Variants in CCDC30 observed in about 807,000 individuals in gnomAD.
The protein encoded by CCDC30 is coiled-coil domain containing 30.
Under a neutral mutation model 100.2 loss-of-function variants are expected in CCDC30, and 70 were observed. The ratio of observed to expected loss-of-function variants is 0.70; its 90% CI spans 0.58 to 0.85. The LOEUF (loss-of-function observed/expected upper bound fraction) is 0.85, where lower values mean the gene tolerates loss of function less well. CCDC30 is among the 40% of genes least tolerant of loss of function. CCDC30 has a pLI of 0.00. For synonymous variants in CCDC30, 233 were observed against 269.5 expected (o/e 0.86, Z 1.33); for missense variants, 652 against 771.2 (o/e 0.85, Z 1.83).
the CCDC30 span, chr1:42,456,554 G>C: frequency 6.9e-7 from 1 of 1,458,408 alleles, no homozygotes; most frequent in Non-Finnish European, 9.0e-7. Flanking sequence ...GGCGCCGGCC[G>C]CTGCGCTGCA....
intron 6 of CCDC30, among the ~76,000 whole-genome samples, chr1:42,528,273 A>G (rs545052370): frequency 1.3e-5 from 2 of 152,320 alleles, no homozygotes; most frequent in Non-Finnish European, 2.9e-5. Context: ...TATTTTTCCA[A>G]AGACTACCTA....
the CCDC30 span, chr1:42,456,556 T>C: frequency 2.7e-6 from 4 of 1,461,606 alleles, no homozygotes; most frequent in African/African-American, 2.9e-5. Context: ...CGCCGGCCGC[T>C]GCGCTGCAGA....
intron 15 of CCDC30, among the ~76,000 whole-genome samples, chr1:42,649,159 A>C (rs1300725907): frequency 6.6e-6 from 1 of 152,216 alleles, no homozygotes; most frequent in Admixed American, 6.5e-5. Context: ...TCTTCAAAAA[A>C]AATAAAGAGG....
At chr1:42,501,679 G>C (rs1423972613) in intron 6 of CCDC30, among the ~76,000 whole-genome samples, 1 of 152,170 alleles carries the variant, frequency 6.6e-6, no homozygotes, top group Non-Finnish European at 1.5e-5. Context: ...TAACAGTCAG[G>C]ACCCTCAGCT....
intron 4 of CCDC30, among the ~76,000 whole-genome samples, chr1:42,492,654 A>ATT (rs556146893): frequency 6.7e-6 from 1 of 149,336 alleles, no homozygotes; most frequent in African/African-American, 2.5e-5. Context: ...AATTAAAAAG[A>ATT]TTTTTTTTTT....
chr1:42,477,162 A>G (rs2148449796), intron 1 of CCDC30, among the ~76,000 whole-genome samples: 1 of 152,132 alleles, frequency 6.6e-6, no homozygotes, highest in Admixed American at 6.5e-5. Flanking sequence ...AAGGTTGTTC[A>G]AGGGCTCTAA....
At chr1:42,459,129 T>C (rs1643327056), upstream of CCDC30, 1 of 151,876 alleles carries the variant, frequency 6.6e-6, no homozygotes. Flanking sequence ...AATTTAGGCA[T>C]CGCTGTGAAC....
intron 1 of CCDC30, chr1:42,468,760 A>T (rs1329949718): frequency 6.6e-6 from 1 of 152,222 alleles, no homozygotes; most frequent in African/African-American, 2.4e-5. Context: ...CAGAATAAAA[A>T]TTTAAAGAAG....
chr1:42,635,716 G>C (rs908373301), intron 11 of CCDC30, among the ~76,000 whole-genome samples: 8 of 151,814 alleles, frequency 5.3e-5, no homozygotes, highest in African/African-American at 1.2e-4. Flanking sequence ...GCTGAGGCAG[G>C]AGAATGGCAT....
chr1:42,540,906 T>C (rs1226200270), intron 6 of CCDC30, among the ~76,000 whole-genome samples: 2 of 152,216 alleles, frequency 1.3e-5, no homozygotes, highest in Non-Finnish European at 2.9e-5. Context: ...AGAATAACTT[T>C]TTTCCTAGTC....
chr1:42,586,575 G>T (rs953835422), intron 9 of CCDC30, among the ~76,000 whole-genome samples: 1 of 152,144 alleles, frequency 6.6e-6, no homozygotes, highest in Non-Finnish European at 1.5e-5. Context: ...AAAGTGTTAG[G>T]AGGTGTGAGC....
intron 3 of CCDC30, among the ~76,000 whole-genome samples, chr1:42,487,916 C>T (rs893413908): frequency 3.3e-5 from 5 of 152,154 alleles, no homozygotes; most frequent in African/African-American, 9.7e-5. Flanking sequence ...ACACCATGCC[C>T]GGACTCCTGA....
At chr1:42,456,156 T>G in the CCDC30 span, 2 of 663,744 alleles carry the variant, frequency 3.0e-6, no homozygotes, top group Non-Finnish European at 5.4e-6. Flanking sequence ...ATTGCTGAAG[T>G]TGGAAAAGGG....
chr1:42,536,939 C>T (rs946523549), intron 6 of CCDC30: 14 of 357,140 alleles, frequency 3.9e-5, no homozygotes, highest in Non-Finnish European at 6.9e-5. Flanking sequence ...GGATTAAGGC[C>T]CCACCCTTAT....
chr1:42,459,637 C>T (rs267598608), upstream of CCDC30: 1 of 1,613,896 alleles, frequency 6.2e-7, no homozygotes, highest in Non-Finnish European at 8.5e-7. Context: ...CTGCTTTCTC[C>T]TTTGGTTAAA....
At chr1:42,647,138 A>G (rs1294289434) in intron 15 of CCDC30, among the ~76,000 whole-genome samples, 1 of 152,114 alleles carries the variant, frequency 6.6e-6, no homozygotes, top group African/African-American at 2.4e-5. Context: ...AAAAAATAAA[A>G]GTCAGCAAGT....
chr1:42,575,868 T>G (rs1645826928), intron 7 of CCDC30, among the ~76,000 whole-genome samples: 1 of 152,120 alleles, frequency 6.6e-6, no homozygotes, highest in Non-Finnish European at 1.5e-5. Flanking sequence ...AGCTAAGACC[T>G]GCAGAATAGG....
At chr1:42,461,337 AC>A (rs1044122238), upstream of CCDC30, among the ~76,000 whole-genome samples, 1 of 152,166 alleles carries the variant, frequency 6.6e-6, no homozygotes, top group African/African-American at 2.4e-5. Context: ...GTCCCTTTGA[AC>A]AAAAAAATTT....
chr1:42,457,677 G>A, the CCDC30 span: 1 of 275,130 alleles, frequency 3.6e-6, no homozygotes, highest in Non-Finnish European at 7.1e-6. Context: ...GCAGAACCGA[G>A]CGCGGTGGCT....
Sources: gnomAD v4.1 joint callset for allele counts (sites outside exome capture counted in the v4.1 genomes callset) on GRCh38, gnomAD v4.1.1 for gene constraint, MANE v1.5 for transcripts, NCBI Gene and HGNC (gene_info 2026-07-23, HGNC 2026-07-21) for gene names.